Variants in FMN1 observed in about 807,000 individuals in gnomAD.
FMN1 encodes the protein formin-1.
A neutral mutation model predicts 132.4 loss-of-function variants in FMN1; 110 were observed. That is an observed-to-expected ratio of 0.83 (90% confidence interval 0.71 to 0.97). FMN1 has a LOEUF of 0.97. Among genes scored for constraint, FMN1 ranks in the 50% least tolerant of loss-of-function variants. FMN1 has a pLI of 0.00. For synonymous variants in FMN1, 722 were observed against 651.7 expected, an observed-to-expected ratio of 1.11 and a Z score of -1.64; for missense variants, 1,792 against 1,705.3, an observed-to-expected ratio of 1.05 and a Z score of -0.90.
intron 6 of FMN1, among the ~76,000 whole-genome samples, chr15:33,011,936 G>T (rs1471930906): frequency 6.6e-6 from 1 of 152,214 alleles, no homozygotes; most frequent in African/African-American, 2.4e-5. Flanking sequence ...TTCACTTACA[G>T]CAGGAGTGCA....
At chr15:33,063,548 T>G (rs1410280587) in intron 6 of FMN1, 1 of 152,152 alleles carries the variant, frequency 6.6e-6, no homozygotes, top group African/African-American at 2.4e-5. Flanking sequence ...TCTAATAAAC[T>G]CTCCTCAAAT....
chr15:32,838,407 G>A (rs149873981), intron 17 of FMN1, among the ~76,000 whole-genome samples: 2,123 of 152,278 alleles, frequency 0.014, 15 homozygotes, highest in Middle Eastern at 0.027. Context: ...CATCTCAAGA[G>A]GAGATAAATG....
At chr15:32,902,862 A>G (rs529984732) in intron 12 of FMN1, among the ~76,000 whole-genome samples, 1 of 152,354 alleles carries the variant, frequency 6.6e-6, no homozygotes, top group East Asian at 1.9e-4. Flanking sequence ...ACAGTTGGAC[A>G]TGAATTCAGA....
rs2059680064 is a variant in FMN1 at position 32,878,068 on chromosome 15, TAGAC to T, written c.3835+10100_3835+10103del. On this transcript the variant is annotated intron_variant, in intron 16 of 20. Transcript: ENST00000616417. ...GTAATATGAAAAACGAAGGCTGTAA[TAGAC>T]AGTGCCTATTCAAAGTGCCTCCTGA... Among the ~76,000 whole-genome samples, 3 of 152,302 alleles carry T rather than the reference TAGAC, an allele frequency of 2.0e-5. No homozygotes were observed. In the South Asian group the frequency reaches 6.2e-4, roughly 32 times the overall value.
intron 4 of FMN1, among the ~76,000 whole-genome samples, chr15:33,119,636 A>C (rs1962364828): frequency 6.6e-6 from 1 of 152,230 alleles, no homozygotes; most frequent in Non-Finnish European, 1.5e-5. Flanking sequence ...CAAGGGATAG[A>C]AGTGATCACT....
At chr15:32,871,510 T>C (rs1197873609) in intron 16 of FMN1, among the ~76,000 whole-genome samples, 1 of 152,228 alleles carries the variant, frequency 6.6e-6, no homozygotes, top group Non-Finnish European at 1.5e-5. Context: ...TCTCCTGTAG[T>C]TGGATAGTGA....
intron 7 of FMN1, among the ~76,000 whole-genome samples, chr15:32,982,218 G>A (rs1029052313): frequency 6.6e-6 from 1 of 152,144 alleles, no homozygotes; most frequent in Non-Finnish European, 1.5e-5. Flanking sequence ...ATTAGGAGGA[G>A]GGAGGAGAGG....
At chr15:33,072,949 C>T (rs1283311989) in intron 5 of FMN1, among the ~76,000 whole-genome samples, 1 of 150,026 alleles carries the variant, frequency 6.7e-6, no homozygotes, top group Non-Finnish European at 1.5e-5. Context: ...AAAAACAGAA[C>T]ATCAGTCTAG....
At chr15:33,178,711 C>G (rs994888127) in intron 3 of FMN1, among the ~76,000 whole-genome samples, 2 of 152,180 alleles carry the variant, frequency 1.3e-5, no homozygotes, top group African/African-American at 4.8e-5. Context: ...CTGATAGATA[C>G]ACTGGCATTC....
intron 4 of FMN1, among the ~76,000 whole-genome samples, chr15:33,137,612 A>G (rs1220444506): frequency 3.9e-5 from 6 of 152,244 alleles, no homozygotes; most frequent in African/African-American, 1.4e-4. Context: ...CAGATTCCAT[A>G]CAAGAAATTA....
rs11858809 is a variant in FMN1, at chr15:32,897,538, G to A, written c.3714+1296C>T. On this transcript the variant is annotated intron_variant, in intron 15 of 20. Transcript: ENST00000616417. The stretch of plus-strand genomic sequence containing the variant: ...AAAAACACATTAGTAAGAAAGCACA[G>A]GGTGTGTGTGGAAAACATCAGGTCT... Among the ~76,000 whole-genome samples the A allele has an allele frequency of 2.5e-3, 381 of 152,350 alleles. 3 individuals carry two copies. The highest frequency in any genetic ancestry group is 8.9e-3 in the African/African-American group (369 of 41,580).
chr15:33,080,678 G>A (rs767805585), intron 5 of FMN1, among the ~76,000 whole-genome samples: 14 of 151,904 alleles, frequency 9.2e-5, no homozygotes, highest in African/African-American at 2.2e-4. Flanking sequence ...CCTGAGGTTG[G>A]GAGTTCAAGA....
At chr15:33,059,855 T>C (rs1011693632) in intron 6 of FMN1, among the ~76,000 whole-genome samples, 4 of 152,248 alleles carry the variant, frequency 2.6e-5, no homozygotes, top group African/African-American at 9.6e-5. Flanking sequence ...AGATCTTTAC[T>C]AGTATCTCCT....
chr15:32,831,251 C>T (rs957832040), intron 17 of FMN1, among the ~76,000 whole-genome samples: 10 of 151,748 alleles, frequency 6.6e-5, no homozygotes, highest in African/African-American at 2.4e-4. Context: ...CAGGGTTTCG[C>T]TGTGTCAACC....
intron 20 of FMN1, among the ~76,000 whole-genome samples, chr15:32,776,451 T>A (rs1394583054): frequency 1.3e-5 from 2 of 152,298 alleles, no homozygotes; most frequent in East Asian, 1.9e-4. Context: ...ATTTTCCAAC[T>A]ATCAAAATAG....
At chr15:33,007,897 C>G in intron 7 of FMN1, 117 bp downstream of exon 7, 1 of 771,644 alleles carries the variant, frequency 1.3e-6, no homozygotes. Flanking sequence ...CTGGCAGCTG[C>G]AAGATGCGAT....
rs77841888 is a variant in FMN1, at chr15:32,941,945, T to C, written c.3139-15684A>G. Among the ~76,000 whole-genome samples, 1,379 of 152,320 alleles carry C rather than the reference T, an allele frequency of 9.1e-3. 26 individuals carry two copies. Among genetic ancestry groups the C allele is most frequent in the African/African-American group, 0.032 (1,314 of 41,566 alleles). On this transcript the variant is annotated intron_variant, in intron 9 of 20. Transcript: ENST00000616417. ...AGCTGAACTTGGCAGCACATGGCTT[T>C]CTCCTAGGTATAATTACAGTCTGGA...
At chr15:33,116,187 A>G (rs186579793) in intron 4 of FMN1, among the ~76,000 whole-genome samples, 1 of 152,310 alleles carries the variant, frequency 6.6e-6, no homozygotes, top group East Asian at 1.9e-4. Context: ...CAGAAAAAAG[A>G]TGTAAACGTA....
intron 12 of FMN1, among the ~76,000 whole-genome samples, chr15:32,906,226 G>C (rs1266863166): frequency 2.6e-5 from 4 of 152,042 alleles, no homozygotes; most frequent in African/African-American, 9.7e-5. Flanking sequence ...TTAAGGGGTT[G>C]GCAAATTGCA....
Sources: gnomAD v4.1 joint callset for allele counts (sites outside exome capture counted in the v4.1 genomes callset) on GRCh38, gnomAD v4.1.1 for gene constraint, MANE v1.5 for transcripts, NCBI Gene and HGNC (gene_info 2026-07-23, HGNC 2026-07-21) for gene names.